LYPD5: variants seen among roughly 807,000 people sequenced by gnomAD.
LYPD5 encodes the protein LY6/PLAUR domain containing 5, also known as ly6/PLAUR domain-containing protein 5.
A neutral mutation model predicts 19.1 loss-of-function variants in LYPD5; 21 were observed. The ratio of observed to expected loss-of-function variants is 1.10; its 90% confidence interval spans 0.78 to 1.58. The LOEUF is 1.58. Ranked by LOEUF, LYPD5 falls within the 40% of genes most tolerant of loss-of-function variation. LYPD5 has a pLI of 0.00. For synonymous variants in LYPD5, 128 were observed against 142.7 expected (o/e 0.90, Z 0.74); for missense variants, 287 against 329.8 (o/e 0.87, Z 1.00).
upstream of LYPD5, among the ~76,000 whole-genome samples, chr19:43,803,783 A>G (rs1279329202): frequency 3.3e-5 from 5 of 152,118 alleles, no homozygotes; most frequent in Non-Finnish European, 5.9e-5. Context: ...GCAGAACCCC[A>G]TAGACACAGA....
chr19:43,797,842 A>G lies in LYPD5; in HGVS notation c.518-13T>C. ...ACTGAGAAATTGCCTGGAGGTGGGC[A>G]AAGCAGTGAGGAACGGTCAGAACTG... is the stretch of plus-strand genomic sequence containing the variant. On this transcript the variant is annotated splice_polypyrimidine_tract_variant and intron_variant, in intron 4 of 4. Coordinates refer to ENST00000377950, the MANE Select transcript of LYPD5 (RefSeq NM_001031749.3). The G allele has an allele frequency of 6.3e-7, 1 of 1,599,302 alleles. No individual in the cohort carries two copies. The highest frequency in any genetic ancestry group is 8.6e-7 in the Non-Finnish European group (1 of 1,167,492).
intron 1 of LYPD5, among the ~76,000 whole-genome samples, chr19:43,814,211 G>C (rs1970351440): frequency 6.6e-6 from 1 of 152,142 alleles, no homozygotes; most frequent in Admixed American, 6.5e-5. Flanking sequence ...TAAGTGAAGG[G>C]GCCAGGTGTG....
Position 43,813,831 on chromosome 19 carries a change from G to T in LYPD5, c.-66+6709C>A, listed in dbSNP as rs72626207. On this transcript the variant is annotated intron_variant, in intron 1 of 4. Coordinates refer to the LYPD5 transcript ENST00000414615. ...GCCTCTTGAGTAGGTGGGATTACAA[G>T]TGCACACCACCAAGCCCGGCTAATT... Among the ~76,000 whole-genome samples, 2,498 of 152,246 alleles carry T rather than the reference G, an allele frequency of 0.016. 153 individuals carry two copies. In the East Asian group the frequency reaches 0.2, roughly 12 times the overall value.
intron 1 of LYPD5, 52 bp from the exon 2 acceptor site, chr19:43,799,886 G>A: frequency 6.5e-7 from 1 of 1,548,012 alleles, no homozygotes; most frequent in South Asian, 1.2e-5. Context: ...GCCTGTCCCA[G>A]GAACTCAGAG....
upstream of LYPD5, among the ~76,000 whole-genome samples, chr19:43,804,988 G>T (rs1318901843): frequency 6.6e-6 from 1 of 152,196 alleles, no homozygotes; most frequent in African/African-American, 2.4e-5. Context: ...TGGAGACTTT[G>T]AAGTGTCAGC....
Position 43,797,289 on chromosome 19 carries a change from C to T in LYPD5, c.*302G>A, listed in dbSNP as rs1970144589. The T allele has an allele frequency of 5.5e-6, 2 of 361,076 alleles. No individual in the cohort carries two copies. Among genetic ancestry groups the T allele is most frequent in the Non-Finnish European group, 1.0e-5 (2 of 198,196 alleles). 22.4% of individuals were successfully genotyped at this position (361,076 alleles called of 1,614,324 possible). On this transcript the variant is annotated 3_prime_UTR_variant, in exon 5 of 5. Transcript: ENST00000377950. ...GGCTCTGGAGGGAGAGCACAGGAAG[C>T]CGTGTTATGGGGTGCCTGGTGCCTG...
At chr19:43,805,519 AT>A (rs1970263806), upstream of LYPD5, among the ~76,000 whole-genome samples, 1 of 152,014 alleles carries the variant, frequency 6.6e-6, no homozygotes, top group African/African-American at 2.4e-5. Flanking sequence ...TGTTATTTTT[AT>A]TTTTTGAGAC....
At chr19:43,807,728 G>C (rs991626133) in intron 1 of LYPD5, among the ~76,000 whole-genome samples, 1 of 152,232 alleles carries the variant, frequency 6.6e-6, no homozygotes, top group Non-Finnish European at 1.5e-5. Flanking sequence ...AAGGAAACTG[G>C]ATTTTGAGCA....
chr19:43,805,277 T>C (rs1302602748), upstream of LYPD5, among the ~76,000 whole-genome samples: 1 of 152,236 alleles, frequency 6.6e-6, no homozygotes, highest in Non-Finnish European at 1.5e-5. Flanking sequence ...AAGTATTTAG[T>C]ATTTCTTGCC....
intron 1 of LYPD5, among the ~76,000 whole-genome samples, chr19:43,819,267 C>CCTT (rs895263728): frequency 2.5e-4 from 36 of 143,572 alleles, no homozygotes; most frequent in South Asian, 1.1e-3. Flanking sequence ...TTCATTTTTC[C>CCTT]CTTCTTCTTC....
At chr19:43,803,024 T>C (rs1245656429), upstream of LYPD5, among the ~76,000 whole-genome samples, 2 of 151,666 alleles carry the variant, frequency 1.3e-5, no homozygotes, top group Non-Finnish European at 2.9e-5. Context: ...CCAAGAGACA[T>C]ACAGGGAGAG....
intron 1 of LYPD5, chr19:43,815,720 C>T (rs1970367018): frequency 2.5e-6 from 1 of 399,910 alleles, no homozygotes; most frequent in Non-Finnish European, 4.9e-6. Flanking sequence ...CTATATATAC[C>T]CATCTATTAT....
intron 1 of LYPD5, chr19:43,815,787 G>T: frequency 2.6e-6 from 1 of 388,270 alleles, no homozygotes; most frequent in East Asian, 8.1e-5. Context: ...ACCCTGGCTG[G>T]AGTGCAGTGG....
At chr19:43,802,550 G>A, upstream of LYPD5, 1 of 600,550 alleles carries the variant, frequency 1.7e-6, no homozygotes, top group Non-Finnish European at 3.0e-6. Context: ...GAAACAGGGT[G>A]ATCCTCAGTT....
chr19:43,798,009 G>GCCA (rs1970157276), intron 4 of LYPD5, among the ~76,000 whole-genome samples, 180 bp from the exon 5 acceptor site: 4 of 137,558 alleles, frequency 2.9e-5, no homozygotes, highest in Admixed American at 1.4e-4. Context: ...GAACAGGGTC[G>GCCA]TGCCTCCTCC....
At chr19:43,807,282 T>C (rs1215950359), upstream of LYPD5, among the ~76,000 whole-genome samples, 1 of 145,522 alleles carries the variant, frequency 6.9e-6, no homozygotes, top group East Asian at 2.1e-4. Context: ...TTTTCTTTTC[T>C]TTTTCTTTTT....
In LYPD5 at chr19:43,799,752, G is replaced by A. The variant is rs1307278850; in HGVS notation, c.147C>T (p.Ile49=). The A allele has an allele frequency of 1.2e-6, 2 of 1,614,064 alleles. No individual in the cohort carries two copies. The highest frequency in any genetic ancestry group is 1.7e-6 in the Non-Finnish European group (2 of 1,179,978). The change falls in exon 2 of 5, where the codon ATC becomes ATT. Residue 49 remains isoleucine (I), a synonymous_variant. Coordinates refer to ENST00000377950, the MANE Select transcript of LYPD5 (RefSeq NM_001031749.3). ...FDLRAMKLPS[I]SCPHECFEAI... ...CCTCAAAGCACTCATGAGGACAGGA[G>A]ATGCTGGGCAGCTTCATGGCCCTGA...
intron 1 of LYPD5, chr19:43,820,483 C>T (rs1333483214): frequency 6.6e-6 from 1 of 151,820 alleles, no homozygotes; most frequent in Non-Finnish European, 1.5e-5. Flanking sequence ...CATACCCAGC[C>T]ACACTGTCGC....
rs199518106 is a variant in LYPD5, at chr19:43,798,621, G to A, written c.371-20C>T. 990 of 1,609,746 alleles carry A rather than the reference G, an allele frequency of 6.2e-4. 11 individuals are homozygous for A. In the South Asian group the frequency reaches 6.9e-3, roughly 11 times the overall value. On this transcript the variant is annotated intron_variant, in intron 3 of 4. Coordinates refer to ENST00000377950, the MANE Select transcript of LYPD5 (RefSeq NM_001031749.3). ...CGGGTGCTGGCAAGAGAGCGTAGAT[G>A]CACACTCAGGCAGTGGTACCCTGGC...
Sources: allele counts gnomAD v4.1 joint callset (sites outside exome capture counted in the v4.1 genomes callset), GRCh38; gene constraint gnomAD v4.1.1; transcripts MANE v1.5; gene names NCBI Gene and HGNC (gene_info 2026-07-23, HGNC 2026-07-21).